Variants in ST8SIA5 observed in about 807,000 individuals in gnomAD.
The protein encoded by ST8SIA5 is ST8 alpha-N-acetyl-neuraminide alpha-2,8-sialyltransferase 5.
In ST8SIA5, 24 loss-of-function variants were observed where a neutral mutation model predicts 40.2. That is an observed-to-expected ratio of 0.60 (90% CI 0.43 to 0.84). The LOEUF is 0.84. ST8SIA5 is among the 40% of genes least tolerant of loss of function. The probability of loss-of-function intolerance (pLI) is 0.00; values close to 1 mark genes in which losing one functional copy is unlikely to be tolerated. For synonymous variants in ST8SIA5, 198 were observed against 201.8 expected, an observed-to-expected ratio of 0.98 and a Z score of 0.16; for missense variants, 465 against 498.5, an observed-to-expected ratio of 0.93 and a Z score of 0.64.
intron 1 of ST8SIA5, among the ~76,000 whole-genome samples, chr18:46,705,479 C>T (rs1367572819): frequency 6.6e-6 from 1 of 152,246 alleles, no homozygotes; most frequent in Non-Finnish European, 1.5e-5. Context: ...ACACAAGCAT[C>T]CTGAACAGGC....
intron 4 of ST8SIA5, among the ~76,000 whole-genome samples, chr18:46,688,179 C>T (rs1379699459): frequency 2.6e-5 from 4 of 152,166 alleles, no homozygotes; most frequent in Admixed American, 6.5e-5. Context: ...CCCTGCACAG[C>T]CTACCTCCAG....
At chr18:46,717,166 G>C (rs1410129067) in intron 1 of ST8SIA5, among the ~76,000 whole-genome samples, 2 of 152,212 alleles carry the variant, frequency 1.3e-5, no homozygotes, top group Non-Finnish European at 2.9e-5. Flanking sequence ...CAGTTGCTGG[G>C]CAGACAGGCA....
intron 1 of ST8SIA5, chr18:46,722,971 C>A (rs2039878085): frequency 6.6e-6 from 1 of 152,232 alleles, no homozygotes; most frequent in Non-Finnish European, 1.5e-5. Flanking sequence ...AGTGTGGTCT[C>A]AATATGCAGA....
At chr18:46,710,047 C>T (rs1001558943) in intron 1 of ST8SIA5, among the ~76,000 whole-genome samples, 2 of 152,190 alleles carry the variant, frequency 1.3e-5, no homozygotes, top group African/African-American at 4.8e-5. Context: ...TCTTTACCCA[C>T]ATCAAAGGGG....
At chr18:46,700,118 G>A (rs2039597006) in intron 2 of ST8SIA5, among the ~76,000 whole-genome samples, 2 of 152,332 alleles carry the variant, frequency 1.3e-5, no homozygotes, top group South Asian at 4.1e-4. Context: ...AATAATTTTA[G>A]TAAGAATTAG....
chr18:46,756,287 G>C, intron 1 of ST8SIA5, 91 bp downstream of exon 1: 1 of 1,546,156 alleles, frequency 6.5e-7, no homozygotes, highest in East Asian at 2.3e-5. Flanking sequence ...ACTCACCCCG[G>C]GGCGCTGCGA....
chr18:46,721,347 T>G (rs2039861014), intron 1 of ST8SIA5: 1 of 1,535,596 alleles, frequency 6.5e-7, no homozygotes, highest in African/African-American at 1.4e-5. Flanking sequence ...CCTGGCCTTT[T>G]GCCGGGGTCT....
intron 1 of ST8SIA5, among the ~76,000 whole-genome samples, chr18:46,734,043 C>T (rs1250551021): frequency 6.6e-6 from 1 of 152,098 alleles, no homozygotes; most frequent in African/African-American, 2.4e-5. Flanking sequence ...CTCCACCATC[C>T]CCAGGTCCAG....
At chr18:46,719,732 C>CT (rs2039839517) in intron 1 of ST8SIA5, among the ~76,000 whole-genome samples, 1 of 11,554 alleles carries the variant, frequency 8.7e-5, no homozygotes, top group African/African-American at 1.8e-4. Context: ...CTTTCTCTCT[C>CT]TTCTTTCCTT....
intron 1 of ST8SIA5, among the ~76,000 whole-genome samples, chr18:46,748,218 T>C (rs2040159594): frequency 6.6e-6 from 1 of 150,814 alleles, no homozygotes; most frequent in East Asian, 1.9e-4. Flanking sequence ...CTCAAAAGTA[T>C]AATTCATAAA....
rs1343502703 is a variant in ST8SIA5 at position 46,669,165 on chromosome 18, G to A, written c.*10877C>T. ...CACACAGGTGCTGGGCAGGGCATGA[G>A]GCCAGGGTGAAGCCCAGGCCTGGAG... On this transcript the variant is annotated 3_prime_UTR_variant, in exon 7 of 7. Coordinates refer to ENST00000315087, the MANE Select transcript of ST8SIA5 (RefSeq NM_013305.6). The A allele has an allele frequency of 6.6e-6, 1 of 152,662 alleles. No individual in the cohort carries two copies. Among genetic ancestry groups the A allele is most frequent in the Non-Finnish European group, 1.5e-5 (1 of 68,412 alleles). The allele number at this position is 152,662 out of a possible 1,614,324, so 9.5% of individuals were successfully genotyped here.
intron 1 of ST8SIA5, among the ~76,000 whole-genome samples, chr18:46,748,555 C>CAAAA (rs71162822): frequency 9.6e-4 from 75 of 77,850 alleles, no homozygotes; most frequent in Middle Eastern, 8.9e-3. Flanking sequence ...AACTTCCTCT[C>CAAAA]AAAAAAAAAA....
At chr18:46,735,517 CA>C (rs2040025140) in intron 1 of ST8SIA5, among the ~76,000 whole-genome samples, 1 of 152,170 alleles carries the variant, frequency 6.6e-6, no homozygotes, top group African/African-American at 2.4e-5. Context: ...ACTAAATACA[CA>C]GACTTATAAA....
chr18:46,721,082 C>A (rs1044147526), intron 1 of ST8SIA5, among the ~76,000 whole-genome samples: 6 of 152,234 alleles, frequency 3.9e-5, no homozygotes, highest in Non-Finnish European at 8.8e-5. Flanking sequence ...TGGCCCCCAC[C>A]CCTAAATGGA....
At chr18:46,722,124 G>A (rs140453618) in intron 1 of ST8SIA5, among the ~76,000 whole-genome samples, 13 of 152,286 alleles carry the variant, frequency 8.5e-5, no homozygotes, top group East Asian at 7.7e-4. Flanking sequence ...AGATCTACTC[G>A]CAGTGAACAA....
At chr18:46,727,942 C>T (rs2039947245) in intron 1 of ST8SIA5, among the ~76,000 whole-genome samples, 1 of 152,168 alleles carries the variant, frequency 6.6e-6, no homozygotes, top group Non-Finnish European at 1.5e-5. Flanking sequence ...TGGCTCACGC[C>T]TGTAAGCATT....
intron 1 of ST8SIA5, among the ~76,000 whole-genome samples, chr18:46,725,970 AAAATATATAT>A (rs1290664906): frequency 9.4e-5 from 3 of 31,808 alleles, no homozygotes; most frequent in African/African-American, 1.5e-4. Flanking sequence ...AAAAAAAAAA[AAAATATATAT>A]ATATATATAT....
chr18:46,701,287 C>T (rs1027806200), intron 2 of ST8SIA5, among the ~76,000 whole-genome samples: 13 of 151,746 alleles, frequency 8.6e-5, no homozygotes, highest in Non-Finnish European at 5.9e-5. Context: ...ATTACAGGTG[C>T]GTGCCACCAT....
chr18:46,754,291 C>T (rs2040221513), intron 1 of ST8SIA5, among the ~76,000 whole-genome samples: 1 of 152,050 alleles, frequency 6.6e-6, no homozygotes, highest in South Asian at 2.1e-4. Context: ...ATGTGCATGC[C>T]CCCTGCCCCC....
Sources: allele counts gnomAD v4.1 joint callset (sites outside exome capture counted in the v4.1 genomes callset), GRCh38; gene constraint gnomAD v4.1.1; transcripts MANE v1.5; gene names NCBI Gene and HGNC (gene_info 2026-07-23, HGNC 2026-07-21).